Variants in EPB41L4A observed in about 807,000 individuals in gnomAD.
The protein encoded by EPB41L4A is band 4.1-like protein 4A.
EPB41L4A carries 100 observed loss-of-function variants against 108.6 expected under a neutral mutation model. The observed-to-expected ratio is 0.92, with a 90% CI of 0.78 to 1.09. The LOEUF is 1.09. Among genes scored for constraint, EPB41L4A ranks in the 50% least tolerant of loss-of-function variants. EPB41L4A has a pLI of 0.00. For synonymous variants in EPB41L4A, 319 were observed against 289.0 expected (o/e 1.10, Z -1.05); for missense variants, 1,030 against 842.7 (o/e 1.22, Z -2.75).
intron 12 of EPB41L4A, among the ~76,000 whole-genome samples, chr5:112,156,848 TCAAA>T (rs1214966994): frequency 6.6e-6 from 1 of 152,062 alleles, no homozygotes; most frequent in Non-Finnish European, 1.5e-5. Context: ...ACAAGCGTAA[TCAAA>T]CAATGACTAC....
Position 112,164,833 on chromosome 5 carries a change from A to C in EPB41L4A, c.*157T>G, listed in dbSNP as rs1760132606. The C allele has an allele frequency of 3.2e-6, 1 of 316,364 alleles. No individual in the cohort carries two copies. 19.6% of individuals were successfully genotyped at this position (316,364 alleles called of 1,614,324 possible). ...TGGGCGACAGAGTGATAACATCTCA[A>C]AAAAAAAAAAAAAAAGAAGCAAAAG... On this transcript the variant is annotated 3_prime_UTR_variant, in exon 23 of 23. Transcript: ENST00000261486.
intron 13 of EPB41L4A, among the ~76,000 whole-genome samples, chr5:112,208,529 G>A (rs1762578702): frequency 6.6e-6 from 1 of 152,072 alleles, no homozygotes; most frequent in Non-Finnish European, 1.5e-5. Flanking sequence ...TAAACATTGA[G>A]TACACATGGA....
chr5:112,157,335 T>G (rs561660023), intron 12 of EPB41L4A, among the ~76,000 whole-genome samples: 49 of 152,298 alleles, frequency 3.2e-4, no homozygotes, highest in African/African-American at 1.2e-3. Flanking sequence ...AAAATCTCGT[T>G]TCCACTCCTA....
At chr5:112,229,893 C>T (rs895318799) in intron 12 of EPB41L4A, among the ~76,000 whole-genome samples, 1 of 150,172 alleles carries the variant, frequency 6.7e-6, no homozygotes, top group Non-Finnish European at 1.5e-5. Flanking sequence ...GAGGCTGAGG[C>T]AGGAGAATGG....
chr5:112,408,905 G>A (rs1169261541), intron 1 of EPB41L4A, among the ~76,000 whole-genome samples: 2 of 151,908 alleles, frequency 1.3e-5, no homozygotes, highest in Non-Finnish European at 2.9e-5. Context: ...GTGGAAAACA[G>A]TTTGGAAGCT....
intron 1 of EPB41L4A, among the ~76,000 whole-genome samples, chr5:112,368,609 T>G (rs1161238977): frequency 6.6e-6 from 1 of 152,052 alleles, no homozygotes; most frequent in Non-Finnish European, 1.5e-5. Context: ...CCAAAACCAC[T>G]GTTCTACTGC....
At chr5:112,342,589 C>G (rs1213016117) in intron 1 of EPB41L4A, among the ~76,000 whole-genome samples, 1 of 152,144 alleles carries the variant, frequency 6.6e-6, no homozygotes, top group African/African-American at 2.4e-5. Flanking sequence ...TGCATTAGAG[C>G]TGAGGGTCTA....
intron 8 of EPB41L4A, among the ~76,000 whole-genome samples, 155 bp from the exon 9 acceptor site, chr5:112,259,447 C>A (rs968319656): frequency 3.3e-5 from 5 of 152,240 alleles, no homozygotes; most frequent in African/African-American, 1.2e-4. Context: ...TTTCCCCATA[C>A]ACTCTAATGA....
At chr5:112,188,991 G>T (rs563523826) in intron 17 of EPB41L4A, among the ~76,000 whole-genome samples, 7 of 152,066 alleles carry the variant, frequency 4.6e-5, no homozygotes, top group Non-Finnish European at 1.0e-4. Context: ...CCTCATTTTA[G>T]AAAAACAATA....
downstream of EPB41L4A, among the ~76,000 whole-genome samples, chr5:112,159,699 TC>T (rs1425947093): frequency 2.0e-5 from 3 of 152,170 alleles, no homozygotes; most frequent in Non-Finnish European, 2.9e-5. Context: ...GTCTTCCTAT[TC>T]CTAGCCCCAT....
At chr5:112,313,738 C>T (rs1011119990) in intron 1 of EPB41L4A, among the ~76,000 whole-genome samples, 3 of 151,710 alleles carry the variant, frequency 2.0e-5, no homozygotes, top group African/African-American at 7.3e-5. Context: ...TTGGTTTATG[C>T]ACCGAGAAGT....
intron 1 of EPB41L4A, among the ~76,000 whole-genome samples, chr5:112,352,135 T>C (rs1758081367): frequency 6.6e-6 from 1 of 152,236 alleles, no homozygotes; most frequent in Non-Finnish European, 1.5e-5. Context: ...TTTCATTTAC[T>C]TCTGCTCTGA....
rs1292639325 is a variant in EPB41L4A, at chr5:112,195,631, C to G, written c.1424+30G>C. On this transcript the variant is annotated intron_variant, in intron 16 of 22. Transcript: ENST00000261486. ...CTAAATCTGCTAACCCTTCTTCCCTCTGACTGTCCTTCCATTTTTGTTTTT... is the reference window on the plus strand; with the variant it reads ...CTAAATCTGCTAACCCTTCTTCCCTGTGACTGTCCTTCCATTTTTGTTTTT... The G allele has an allele frequency of 8.2e-6, 13 of 1,579,162 alleles. No homozygotes were observed. In the Admixed American group the frequency reaches 2.2e-4, roughly 26 times the overall value.
intron 9 of EPB41L4A, chr5:112,256,746 A>G (rs913497943): frequency 1.3e-5 from 2 of 152,208 alleles, no homozygotes; most frequent in African/African-American, 4.8e-5. Flanking sequence ...ATGTATGTAT[A>G]AATATATATA....
intron 12 of EPB41L4A, among the ~76,000 whole-genome samples, chr5:112,148,026 G>A (rs1759327580): frequency 2.7e-5 from 4 of 150,708 alleles, no homozygotes. Context: ...GTGACAGAGT[G>A]AAAAAACAAA....
chr5:112,375,300 C>A (rs968907102), intron 1 of EPB41L4A, among the ~76,000 whole-genome samples: 1 of 148,594 alleles, frequency 6.7e-6, no homozygotes, highest in Admixed American at 6.6e-5. Context: ...CAGACCATAA[C>A]AAGGTCAGTC....
chr5:112,247,112 A>G (rs918835022), intron 9 of EPB41L4A, among the ~76,000 whole-genome samples: 3 of 151,920 alleles, frequency 2.0e-5, no homozygotes, highest in African/African-American at 7.3e-5. Flanking sequence ...GTTTCTCAGA[A>G]CATATCCCTG....
chr5:112,348,635 G>T (rs1459024552), intron 1 of EPB41L4A, among the ~76,000 whole-genome samples: 1 of 152,124 alleles, frequency 6.6e-6, no homozygotes, highest in Admixed American at 6.5e-5. Flanking sequence ...TTCAGGGTGA[G>T]GAATGTGATC....
intron 9 of EPB41L4A, among the ~76,000 whole-genome samples, chr5:112,250,950 C>A (rs114796365): frequency 0.013 from 1,942 of 152,238 alleles, 26 homozygotes; most frequent in Non-Finnish European, 0.02. Flanking sequence ...TTACAGATTA[C>A]GAAATGTAGG....
Sources: gnomAD v4.1 joint callset for allele counts (sites outside exome capture counted in the v4.1 genomes callset) on GRCh38, gnomAD v4.1.1 for gene constraint, MANE v1.5 for transcripts, NCBI Gene and HGNC (gene_info 2026-07-23, HGNC 2026-07-21) for gene names.